OGDH: variants seen among roughly 807,000 people sequenced by gnomAD.
OGDH encodes the protein oxoglutarate dehydrogenase.
In OGDH, 38 loss-of-function variants were observed where a neutral mutation model predicts 116.6. The ratio of observed to expected loss-of-function variants is 0.33; its 90% confidence interval spans 0.25 to 0.43. The LOEUF (loss-of-function observed/expected upper bound fraction) is 0.43. Ranked by LOEUF, OGDH falls within the 20% of genes least tolerant of loss-of-function variation. The pLI, the probability that OGDH is intolerant of heterozygous loss-of-function variation, is 1.00. For missense variants in OGDH, 825 were observed against 1,357.2 expected, an observed-to-expected ratio of 0.61 and a Z score of 6.16; for synonymous variants, 488 against 533.3, an observed-to-expected ratio of 0.92 and a Z score of 1.17.
At chr7:44,702,679 A>C (rs1303590260) in intron 20 of OGDH, among the ~76,000 whole-genome samples, 4 of 151,498 alleles carry the variant, frequency 2.6e-5, no homozygotes, top group African/African-American at 9.7e-5. Flanking sequence ...TGCAAGCTCC[A>C]CCTCCCGGGT....
At chr7:44,696,738 G>A (rs1175431217) in intron 14 of OGDH, among the ~76,000 whole-genome samples, 176 bp from the exon 15 acceptor site, 1 of 152,178 alleles carries the variant, frequency 6.6e-6, no homozygotes, top group Non-Finnish European at 1.5e-5. Flanking sequence ...CCCTTAGCAC[G>A]ATCCTACACT....
chr7:44,659,565 A>G (rs185205095), intron 4 of OGDH, among the ~76,000 whole-genome samples: 2 of 152,298 alleles, frequency 1.3e-5, no homozygotes, highest in East Asian at 3.9e-4. Context: ...AGATTTCCTT[A>G]TTAGCCATAG....
chr7:44,640,037 C>T (rs756980799), intron 2 of OGDH, among the ~76,000 whole-genome samples: 1 of 152,178 alleles, frequency 6.6e-6, no homozygotes, highest in Non-Finnish European at 1.5e-5. Flanking sequence ...TGATCATGAT[C>T]GCCCTGTCTC....
Position 44,707,090 on chromosome 7 carries a change from C to A in OGDH, c.2633-135C>A. ...CTGAGCAAATACAGGGCATCAGAGGCTGGTGAAGGGGAAGCATCTCTAACC... is the reference window on the plus strand; with the variant it reads ...CTGAGCAAATACAGGGCATCAGAGGATGGTGAAGGGGAAGCATCTCTAACC... On this transcript the variant is annotated intron_variant, in intron 20 of 22. Coordinates refer to ENST00000222673, the MANE Select transcript of OGDH (RefSeq NM_002541.4). The surrounding 1 kb of genome is among the most constrained non-coding windows in gnomAD (Gnocchi z 5.2). The A allele has an allele frequency of 1.2e-6, 1 of 840,234 alleles. No homozygotes were observed. Among genetic ancestry groups the A allele is most frequent in the Non-Finnish European group, 1.8e-6 (1 of 543,822 alleles). The allele number at this position is 840,234 out of a possible 1,614,324, so 52.0% of individuals were successfully genotyped here.
At chr7:44,613,945 T>C (rs1784668150) in intron 1 of OGDH, among the ~76,000 whole-genome samples, 1 of 151,948 alleles carries the variant, frequency 6.6e-6, no homozygotes, top group African/African-American at 2.4e-5. Context: ...TAGCTGGGAT[T>C]ACAGGTATGT....
At position 44,707,283 on chromosome 7, in the gene OGDH, T is replaced by C; in HGVS notation, c.2691T>C (p.Asn897=). ...EDGPAAQNPE[N]VKRLLFCTGK... ...GCCCTGCAGCTCAGAACCCAGAAAATGTCAAAAGGCTTCTCTTCTGCACCG... is the reference window on the plus strand; with the variant it reads ...GCCCTGCAGCTCAGAACCCAGAAAACGTCAAAAGGCTTCTCTTCTGCACCG... Residue 897 remains asparagine, a synonymous_variant, in exon 21 of 23, where the codon AAT becomes AAC. Transcript: ENST00000222673. This position sits in a 1 kb window ranked among gnomAD's most constrained non-coding sequence, Gnocchi z 5.2. The C allele has an allele frequency of 1.2e-6, 2 of 1,614,076 alleles. No homozygotes were observed. Among genetic ancestry groups the C allele is most frequent in the South Asian group, 1.1e-5 (1 of 91,080 alleles).
chr7:44,661,608 G>GT (rs557641973), intron 4 of OGDH, among the ~76,000 whole-genome samples: 222 of 150,404 alleles, frequency 1.5e-3, no homozygotes, highest in Non-Finnish European at 2.6e-3. Flanking sequence ...GGTTTTTTGG[G>GT]TTTTTTTTTG....
chr7:44,698,141 A>G, intron 17 of OGDH, 51 bp from the exon 18 acceptor site: 1 of 1,598,828 alleles, frequency 6.3e-7, no homozygotes, highest in South Asian at 1.1e-5. Context: ...AGATGCGGCA[A>G]ATGTCAGTAC....
intron 2 of OGDH, among the ~76,000 whole-genome samples, chr7:44,645,117 G>A (rs577110815): frequency 4.6e-5 from 7 of 152,240 alleles, no homozygotes; most frequent in Admixed American, 3.3e-4. Flanking sequence ...AGTGCATCCC[G>A]AAGACAAAAG....
At chr7:44,618,717 C>T (rs796385274) in intron 1 of OGDH, among the ~76,000 whole-genome samples, 5 of 152,266 alleles carry the variant, frequency 3.3e-5, no homozygotes, top group African/African-American at 1.2e-4. Context: ...TGCTTTTTCT[C>T]CCCAAGGGAG....
intron 1 of OGDH, among the ~76,000 whole-genome samples, chr7:44,608,327 G>A (rs897740839): frequency 6.6e-6 from 1 of 152,134 alleles, no homozygotes; most frequent in Non-Finnish European, 1.5e-5. Flanking sequence ...AGGATGGCAT[G>A]AGCCAGGGAG....
chr7:44,662,984 A>G (rs896366045), intron 4 of OGDH, among the ~76,000 whole-genome samples: 2 of 152,132 alleles, frequency 1.3e-5, no homozygotes, highest in African/African-American at 4.8e-5. Flanking sequence ...GTCTTTTACC[A>G]TATTTGGGAA....
intron 2 of OGDH, among the ~76,000 whole-genome samples, chr7:44,625,615 TGAGA>T (rs1285805968): frequency 6.6e-6 from 1 of 152,112 alleles, no homozygotes; most frequent in Non-Finnish European, 1.5e-5. Flanking sequence ...TGTAGGTGGT[TGAGA>T]GAATGAAAGG....
chr7:44,676,610 G>GTT (rs1471345029), intron 9 of OGDH: 5 of 140,814 alleles, frequency 3.6e-5, no homozygotes, highest in Non-Finnish European at 6.5e-5. Flanking sequence ...ATGTGTGTGT[G>GTT]TGTGTATATA....
At chr7:44,657,814 G>A (rs1023185793) in intron 4 of OGDH, among the ~76,000 whole-genome samples, 59 of 152,128 alleles carry the variant, frequency 3.9e-4, no homozygotes, top group African/African-American at 1.4e-3. Context: ...TGTATAAGAC[G>A]TTTAGATCAA....
chr7:44,700,769 T>C (rs1158036516), intron 19 of OGDH, among the ~76,000 whole-genome samples: 1 of 152,032 alleles, frequency 6.6e-6, no homozygotes, highest in Non-Finnish European at 1.5e-5. Context: ...TCCCAGCACT[T>C]TGTGAGGCCG....
At chr7:44,642,533 A>G (rs1785990496) in intron 2 of OGDH, among the ~76,000 whole-genome samples, 1 of 152,228 alleles carries the variant, frequency 6.6e-6, no homozygotes. Flanking sequence ...GGGAGGTGCC[A>G]GAAGAGAACC....
chr7:44,654,993 CCTCTT>C (rs1786624423), intron 4 of OGDH, among the ~76,000 whole-genome samples: 1 of 152,194 alleles, frequency 6.6e-6, no homozygotes, highest in African/African-American at 2.4e-5. Flanking sequence ...TCTTAACTCT[CCTCTT>C]CTTTGGTTTG....
At chr7:44,659,753 T>C (rs1786854520) in intron 4 of OGDH, among the ~76,000 whole-genome samples, 1 of 152,234 alleles carries the variant, frequency 6.6e-6, no homozygotes, top group South Asian at 2.1e-4. Flanking sequence ...CAGAATCTTC[T>C]TGATATTTGA....
Sources: gnomAD v4.1 joint callset for allele counts (sites outside exome capture counted in the v4.1 genomes callset) on GRCh38, gnomAD v4.1.1 for gene constraint, Gnocchi (gnomAD v3.1) non-coding constraint, MANE v1.5 for transcripts, NCBI Gene and HGNC (gene_info 2026-07-23, HGNC 2026-07-21) for gene names.